Variants in MSI2 observed in about 807,000 individuals in gnomAD.
MSI2 encodes musashi RNA binding protein 2.
A neutral mutation model predicts 45.6 loss-of-function variants in MSI2; 17 were observed. The observed-to-expected ratio is 0.37, with a 90% CI of 0.26 to 0.56. MSI2 has a LOEUF of 0.56. MSI2 is among the 20% of genes least tolerant of loss of function. The pLI, the probability that MSI2 is intolerant of heterozygous loss-of-function variation, is 0.77. For synonymous variants in MSI2, 156 were observed against 158.2 expected (o/e 0.99, Z 0.11); for missense variants, 293 against 444.2 (o/e 0.66, Z 3.06).
At chr17:57,354,250 G>A (rs1389768218) in intron 5 of MSI2, among the ~76,000 whole-genome samples, 1 of 152,204 alleles carries the variant, frequency 6.6e-6, no homozygotes, top group East Asian at 1.9e-4. Flanking sequence ...CCCCTAGTCA[G>A]TAGCATAGCT....
In MSI2 at chr17:57,343,297, A is replaced by G. The variant is rs73995317; in HGVS notation, c.313-58082A>G. 4.1e-3 allele frequency among the ~76,000 whole-genome samples: 628 copies of G among 151,720 alleles called. 4 individuals are homozygous for G. The highest frequency in any genetic ancestry group is 0.015 in the African/African-American group (609 of 41,406). ...GTCCCCAGCTTTATCTACCAAGTCA[A>G]CTGTCTTTCCTTCTCTCCCTTTTGC... On this transcript the variant is annotated intron_variant, in intron 5 of 13. Transcript: ENST00000284073.
At chr17:57,331,719 C>T (rs1024473940) in intron 5 of MSI2, among the ~76,000 whole-genome samples, 7 of 152,296 alleles carry the variant, frequency 4.6e-5, no homozygotes, top group African/African-American at 1.4e-4. Flanking sequence ...CAGTGTTCTG[C>T]GTTTCTAGGG....
At chr17:57,409,805 G>A (rs570839084) in intron 6 of MSI2, among the ~76,000 whole-genome samples, 8 of 151,962 alleles carry the variant, frequency 5.3e-5, no homozygotes, top group Non-Finnish European at 1.2e-4. Context: ...TCAGGAGTTC[G>A]AGACCAGCCT....
chr17:57,304,482 G>A (rs1034186442), intron 5 of MSI2, among the ~76,000 whole-genome samples: 2 of 143,438 alleles, frequency 1.4e-5, no homozygotes, highest in African/African-American at 2.6e-5. Flanking sequence ...GAGTGCAGTC[G>A]TGTGCTCTCG....
rs544926955 is a variant in MSI2, at chr17:57,488,381, A to G, written c.406-41295A>G. On this transcript the variant is annotated intron_variant, in intron 6 of 13. Transcript: ENST00000284073. ...TGGGCAGGTCTTTTTTTCCTACTAT[A>G]TTATGTATTTAAATACATAGACATA... is the stretch of plus-strand genomic sequence containing the variant. 7.9e-5 allele frequency among the ~76,000 whole-genome samples: 12 copies of G among 152,322 alleles called. No homozygotes were observed. In the South Asian group the frequency reaches 2.3e-3, roughly 29 times the overall value.
At chr17:57,606,940 G>A (rs1439132068) in intron 8 of MSI2, among the ~76,000 whole-genome samples, 1 of 151,990 alleles carries the variant, frequency 6.6e-6, no homozygotes, top group Non-Finnish European at 1.5e-5. Context: ...AGGGAGCAGG[G>A]GTTTTGAAGC....
intron 5 of MSI2, among the ~76,000 whole-genome samples, chr17:57,271,046 C>T (rs1236769716): frequency 4.6e-5 from 7 of 152,074 alleles, no homozygotes; most frequent in Non-Finnish European, 5.9e-5. Context: ...AGTAAAGTCC[C>T]GGGGAGCAGC....
At chr17:57,256,885 G>A in intron 1 of MSI2, 81 bp downstream of exon 1, 2 of 1,140,720 alleles carry the variant, frequency 1.8e-6, no homozygotes, top group East Asian at 5.9e-5. Flanking sequence ...CGCGGAGCCG[G>A]GCATCTCCCG....
At chr17:57,565,332 T>A (rs2087702526) in intron 7 of MSI2, among the ~76,000 whole-genome samples, 1 of 152,212 alleles carries the variant, frequency 6.6e-6, no homozygotes, top group Admixed American at 6.5e-5. Flanking sequence ...CCTCACGCTG[T>A]ACCATTCCCT....
chr17:57,363,954 G>T (rs892892458), intron 5 of MSI2, among the ~76,000 whole-genome samples: 3 of 152,108 alleles, frequency 2.0e-5, no homozygotes. Context: ...GCCAGCTAAC[G>T]TGGTCCTTAG....
At chr17:57,272,582 C>A (rs888096060) in intron 5 of MSI2, among the ~76,000 whole-genome samples, 1 of 152,148 alleles carries the variant, frequency 6.6e-6, no homozygotes, top group Non-Finnish European at 1.5e-5. Context: ...GAAAGTAATC[C>A]GTATTTCCAT....
intron 5 of MSI2, among the ~76,000 whole-genome samples, chr17:57,391,491 T>C (rs1231379379): frequency 6.6e-6 from 1 of 152,200 alleles, no homozygotes; most frequent in Non-Finnish European, 1.5e-5. Flanking sequence ...CCTATTATTG[T>C]TGTATTTGCA....
chr17:57,455,665 C>T (rs1178648672), intron 6 of MSI2, among the ~76,000 whole-genome samples: 2 of 152,120 alleles, frequency 1.3e-5, no homozygotes, highest in Non-Finnish European at 2.9e-5. Context: ...GGGGCCGAGA[C>T]AGCAGGAGAG....
chr17:57,458,577 A>G (rs1468749786), intron 6 of MSI2, among the ~76,000 whole-genome samples: 1 of 152,190 alleles, frequency 6.6e-6, no homozygotes, highest in African/African-American at 2.4e-5. Flanking sequence ...TCAGGAGCAC[A>G]AAGTCTCTGA....
rs1163038200 is a variant in MSI2 at position 57,682,322 on chromosome 17, C to CT, written c.*2805_*2806insT. 2.6e-5 allele frequency: 4 copies of CT among 151,584 alleles called. No homozygotes were observed. The highest frequency in any genetic ancestry group is 4.3e-5 in the Non-Finnish European group (3 of 70,352). The allele number at this position is 151,584 out of a possible 1,614,324, so 9.4% of individuals were successfully genotyped here. A position where few individuals can be genotyped will look rare whatever the true frequency, so the allele number is the denominator to read the frequency against. On this transcript the variant is annotated 3_prime_UTR_variant, in exon 14 of 14. Coordinates refer to ENST00000284073, the MANE Select transcript of MSI2 (RefSeq NM_138962.4). ...ACTCTACGGCGTTTTGTAGATCCCC[C>CT]CCCCCCCACCCACTGTGAAGGGGTG...
At chr17:57,641,729 G>T (rs1168341120) in intron 10 of MSI2, among the ~76,000 whole-genome samples, 1 of 152,174 alleles carries the variant, frequency 6.6e-6, no homozygotes, top group Admixed American at 6.5e-5. Flanking sequence ...ATAGTTTGTT[G>T]ATGCCTCTTT....
At chr17:57,277,069 T>G (rs1908928484) in intron 5 of MSI2, among the ~76,000 whole-genome samples, 1 of 149,216 alleles carries the variant, frequency 6.7e-6, no homozygotes, top group Non-Finnish European at 1.5e-5. Context: ...TTTTTTTTTT[T>G]TTTTGAGACA....
rs564440544 is a variant in MSI2 at position 57,282,835 on chromosome 17, C to CTTTTTTTTTTTTTTT, written c.312+20656_312+20657insTTTTTTTTTTTTTTT. Among the ~76,000 whole-genome samples the CTTTTTTTTTTTTTTT allele has an allele frequency of 4.3e-5, 4 of 92,752 alleles. 1 individual carries two copies. The highest frequency in any genetic ancestry group is 3.3e-4 in the Admixed American group (2 of 6,106). 60.8% of individuals were successfully genotyped at this position (92,752 alleles called of 152,430 possible). On this transcript the variant is annotated intron_variant, in intron 5 of 13. Transcript: ENST00000284073. ...CTGGGGTTGGGGGGTGGGGGGCAGA[C>CTTTTTTTTTTTTTTT]TTTTTTTTTTTTTCAGGGAACTCTG...
At chr17:57,592,889 G>A (rs907102204) in intron 7 of MSI2, among the ~76,000 whole-genome samples, 2 of 152,220 alleles carry the variant, frequency 1.3e-5, no homozygotes, top group Non-Finnish European at 2.9e-5. Flanking sequence ...GGGTATGGAG[G>A]TGATTTGTGC....
Sources: gnomAD v4.1 joint callset for allele counts (sites outside exome capture counted in the v4.1 genomes callset) on GRCh38, gnomAD v4.1.1 for gene constraint, MANE v1.5 for transcripts, NCBI Gene and HGNC (gene_info 2026-07-23, HGNC 2026-07-21) for gene names.